Variants in LYZL2 observed in about 807,000 individuals in gnomAD.
The protein encoded by LYZL2 is lysozyme-like protein 2.
LYZL2 carries 13 observed loss-of-function variants against 17.1 expected under a neutral mutation model. The observed-to-expected ratio is 0.76, with a 90% CI of 0.49 to 1.21. LYZL2 has a LOEUF of 1.21. LYZL2 is among the 50% of genes most tolerant of loss of function. The pLI, the probability that LYZL2 is intolerant of heterozygous loss-of-function variation, is 0.00. For synonymous variants in LYZL2, 63 were observed against 74.4 expected (o/e 0.85, Z 0.79); for missense variants, 166 against 189.2 (o/e 0.88, Z 0.72).
At chr10:30,606,283 G>T in the LYZL2 span, among the ~76,000 whole-genome samples, 2 of 151,822 alleles carry the variant, frequency 1.3e-5, no homozygotes, top group African/African-American at 4.8e-5. Flanking sequence ...AGTGTCTGCA[G>T]GTCCTGTTAG....
Position 30,626,249 on chromosome 10 carries a change from A to G in LYZL2, c.154T>C (p.Tyr52His), listed in dbSNP as rs1838703632. The change falls in exon 3 of 5, where the codon TAT becomes CAT. Residue 52 changes from tyrosine to histidine, a missense_variant. Coordinates refer to ENST00000647634, the MANE Select transcript of LYZL2 (RefSeq NM_183058.3). ...GTGGTGTTGTAGCCGCTCTCATAATACGCCATGCAGATCCCTGGAGGGGGG... is the reference window on the plus strand; with the variant it reads ...GTGGTGTTGTAGCCGCTCTCATAATGCGCCATGCAGATCCCTGGAGGGGGG... ...FSLGNWICMA[Y>H]YESGYNTTAQ... is the part of the protein sequence containing the mutation. 3 of 1,614,056 alleles carry G rather than the reference A, an allele frequency of 1.9e-6. No individual in the cohort carries two copies. Among genetic ancestry groups the G allele is most frequent in the Non-Finnish European group, 2.5e-6 (3 of 1,180,020 alleles).
intron 3 of LYZL2, 98 bp downstream of exon 3, chr10:30,626,007 C>T: frequency 6.5e-7 from 1 of 1,527,540 alleles, no homozygotes. Context: ...CAAGTCTGAA[C>T]TCCAAATTTT....
chr10:30,622,545 A>G (rs1416092294), intron 3 of LYZL2, among the ~76,000 whole-genome samples: 1 of 143,414 alleles, frequency 7.0e-6, no homozygotes, highest in Non-Finnish European at 1.5e-5. Context: ...CAAAGCTCCA[A>G]CTCAACAAAA....
chr10:30,606,499 A>G, the LYZL2 span, among the ~76,000 whole-genome samples: 2 of 152,050 alleles, frequency 1.3e-5, no homozygotes, highest in South Asian at 4.1e-4. Flanking sequence ...ACTAGCAGGC[A>G]TGCACCTCCA....
At chr10:30,618,362 T>C (rs1227817632) in intron 3 of LYZL2, among the ~76,000 whole-genome samples, 2 of 152,208 alleles carry the variant, frequency 1.3e-5, no homozygotes, top group Non-Finnish European at 1.5e-5. Flanking sequence ...GAGCCCGCAT[T>C]GTCAAGTCAA....
chr10:30,618,165 GA>G (rs975055484), intron 3 of LYZL2, among the ~76,000 whole-genome samples: 3 of 152,056 alleles, frequency 2.0e-5, no homozygotes, highest in Admixed American at 2.0e-4. Flanking sequence ...ACTGCTCAAG[GA>G]AGTAAAAGAG....
rs575878697 is a variant in LYZL2 at position 30,626,150 on chromosome 10, G to C, written c.253C>G (p.Arg85Gly). 6.2e-7 allele frequency: 1 copy of C among 1,614,110 alleles called. No homozygotes were observed. The highest frequency in any genetic ancestry group is 1.3e-5 in the African/African-American group (1 of 74,942). The change falls in exon 3 of 5, where the codon CGC becomes GGC. Residue 85 changes from arginine (R) to glycine (G), a missense_variant. Physicochemically the swap from Arg to Gly is moderately radical, Grantham distance 125. Around this residue, in one of 2 missense-constraint regions of LYZL2, gnomAD observed 134 missense variants for 129.4 expected, o/e 1.04. Transcript: ENST00000647634. ...TGGTTGTTCTCCTTCAGCTTTCCGC[G>C]TCTGCACCACGCGAAGCTGTTGATC... Reference protein sequence around the residue: ...FQINSFAWCRRGKLKENNHCH... With the variant: ...FQINSFAWCRGGKLKENNHCH...
At chr10:30,619,814 A>T (rs1210144604) in intron 3 of LYZL2, among the ~76,000 whole-genome samples, 1 of 152,142 alleles carries the variant, frequency 6.6e-6, no homozygotes, top group Non-Finnish European at 1.5e-5. Flanking sequence ...GTACCCTAAA[A>T]CTTAAAGTAC....
intron 3 of LYZL2, among the ~76,000 whole-genome samples, chr10:30,617,486 G>T (rs1838546683): frequency 6.6e-6 from 1 of 151,840 alleles, no homozygotes; most frequent in Non-Finnish European, 1.5e-5. Context: ...GACCAGCCTG[G>T]CCAACATGGC....
At chr10:30,607,226 T>C (rs1838388085), downstream of LYZL2, among the ~76,000 whole-genome samples, 1 of 50,130 alleles carries the variant, frequency 2.0e-5, no homozygotes, top group Non-Finnish European at 4.2e-5. Flanking sequence ...TTCTTTTATT[T>C]TTAGAGTTTT....
intron 3 of LYZL2, among the ~76,000 whole-genome samples, chr10:30,618,364 T>C: frequency 6.6e-6 from 1 of 152,134 alleles, no homozygotes. Context: ...GCCCGCATTG[T>C]CAAGTCAATC....
At chr10:30,626,578 C>T (rs925650600) in intron 2 of LYZL2, among the ~76,000 whole-genome samples, 199 bp downstream of exon 2, 7 of 152,010 alleles carry the variant, frequency 4.6e-5, no homozygotes, top group African/African-American at 9.7e-5. Context: ...GGACAGGACT[C>T]CAGGAATAAG....
At chr10:30,626,554 G>T (rs1838710085) in intron 2 of LYZL2, among the ~76,000 whole-genome samples, 1 of 152,068 alleles carries the variant, frequency 6.6e-6, no homozygotes, top group Admixed American at 6.5e-5. Flanking sequence ...CCCCTTCCCT[G>T]GCTAGTGTCA....
chr10:30,611,109 G>T (rs563169227), downstream of LYZL2, among the ~76,000 whole-genome samples: 2 of 152,080 alleles, frequency 1.3e-5, no homozygotes, highest in East Asian at 1.9e-4. Context: ...GTCTTATTTC[G>T]AATGGCCACA....
Position 30,611,876 on chromosome 10 carries a change from G to C in LYZL2, c.*79C>G, listed in dbSNP as rs1273183799. ...GAGAAGGAATATTGGGAGGAAACGG[G>C]ACAAGATGACACAGGCATTTGGACA... On this transcript the variant is annotated 3_prime_UTR_variant, in exon 5 of 5. Coordinates refer to ENST00000647634, the MANE Select transcript of LYZL2 (RefSeq NM_183058.3). 3.1e-6 allele frequency: 5 copies of C among 1,608,452 alleles called. No individual in the cohort carries two copies. The highest frequency in any genetic ancestry group is 1.7e-5 in the Admixed American group (1 of 58,226).
chr10:30,617,995 A>ATCAG, intron 3 of LYZL2, among the ~76,000 whole-genome samples: 1 of 150,482 alleles, frequency 6.6e-6, no homozygotes, highest in African/African-American at 2.4e-5. Flanking sequence ...TACAAAATCA[A>ATCAG]TGTGCAAAAA....
chr10:30,608,492 G>A (rs943006105), downstream of LYZL2, among the ~76,000 whole-genome samples: 4 of 152,278 alleles, frequency 2.6e-5, no homozygotes, highest in Non-Finnish European at 5.9e-5. Context: ...CAAGGAAGTG[G>A]CTATATGGAA....
chr10:30,625,683 C>CA (rs1354490671), intron 3 of LYZL2, among the ~76,000 whole-genome samples: 1 of 151,952 alleles, frequency 6.6e-6, no homozygotes, highest in African/African-American at 2.4e-5. Context: ...GACCCTGTCT[C>CA]AAAAAAAGAG....
downstream of LYZL2, among the ~76,000 whole-genome samples, chr10:30,606,954 C>T (rs1428454558): frequency 1.3e-5 from 2 of 150,238 alleles, no homozygotes; most frequent in Non-Finnish European, 3.0e-5. Flanking sequence ...GCTTCTGTTG[C>T]CCAGGCTGGA....
Sources: allele counts gnomAD v4.1 joint callset (sites outside exome capture counted in the v4.1 genomes callset), GRCh38; gene constraint gnomAD v4.1.1; regional missense constraint gnomAD v4.1.1; transcripts MANE v1.5; gene names NCBI Gene and HGNC (gene_info 2026-07-23, HGNC 2026-07-21).